The following LHFPL3 variants were observed in gnomAD, a reference collection of about 807,000 sequenced individuals.
The protein encoded by LHFPL3 is LHFPL tetraspan subfamily member 3.
A neutral mutation model predicts 19.3 loss-of-function variants in LHFPL3; 5 were observed. The ratio of observed to expected loss-of-function variants is 0.26; its 90% CI spans 0.14 to 0.54. LHFPL3 has a LOEUF of 0.54. Ranked by LOEUF, LHFPL3 falls within the 20% of genes least tolerant of loss-of-function variation. The pLI is 0.94. For missense variants in LHFPL3, 249 were observed against 307.4 expected (o/e 0.81, Z 1.42); for synonymous variants, 133 against 126.2 (o/e 1.05, Z -0.36).
chr7:104,864,247 G>T (rs2005887), intron 2 of LHFPL3, among the ~76,000 whole-genome samples: 132,558 of 152,060 alleles, frequency 0.87, 59,246 homozygotes, highest in Non-Finnish European at 0.98. Flanking sequence ...ATCTCACTGG[G>T]GAGTGTTGGA....
At chr7:104,387,794 A>G (rs1313219892) in intron 1 of LHFPL3, among the ~76,000 whole-genome samples, 1 of 152,016 alleles carries the variant, frequency 6.6e-6, no homozygotes, top group Non-Finnish European at 1.5e-5. Flanking sequence ...ACAAAGAGAA[A>G]TTTTTTTTAA....
In LHFPL3 at chr7:104,393,051, A is replaced by G. The variant is rs1450161112; in HGVS notation, c.445+63827A>G. Among the ~76,000 whole-genome samples the G allele has an allele frequency of 2.0e-5, 3 of 152,366 alleles. No individual in the cohort carries two copies. In the East Asian group the frequency reaches 5.8e-4, roughly 29 times the overall value. On this transcript the variant is annotated intron_variant, in intron 1 of 2. Coordinates refer to ENST00000424859, the MANE Select transcript of LHFPL3 (RefSeq NM_199000.3). Reference sequence around the variant, plus strand: ...TTCAAGAAAGATATACAAATGGCCAATAAGCATATGGCAAGATGGTCAGCA... The same window carrying G: ...TTCAAGAAAGATATACAAATGGCCAGTAAGCATATGGCAAGATGGTCAGCA...
chr7:104,497,142 C>T (rs925495729), intron 1 of LHFPL3, among the ~76,000 whole-genome samples: 1 of 151,506 alleles, frequency 6.6e-6, no homozygotes, highest in East Asian at 1.9e-4. Flanking sequence ...TATTATCATA[C>T]TATCGTTCTC....
intron 1 of LHFPL3, chr7:104,668,704 G>GA (rs1488297763): frequency 1.2e-6 from 2 of 1,604,742 alleles, no homozygotes; most frequent in Non-Finnish European, 1.7e-6. Context: ...GATTATAGGC[G>GA]TGATGATAGA....
chr7:104,543,903 T>TATAATAATA (rs199906129), intron 1 of LHFPL3, among the ~76,000 whole-genome samples: 3,090 of 145,356 alleles, frequency 0.021, 98 homozygotes, highest in African/African-American at 0.074. Flanking sequence ...TACCCCAAAA[T>TATAATAATA]ATAATAATAA....
chr7:104,808,890 CTTT>C (rs151212974), intron 2 of LHFPL3, among the ~76,000 whole-genome samples: 1,122 of 77,208 alleles, frequency 0.015, 23 homozygotes, highest in African/African-American at 0.053. Flanking sequence ...ATGATAGATC[CTTT>C]TTTTTTTTTT....
intron 2 of LHFPL3, among the ~76,000 whole-genome samples, chr7:104,834,207 C>CACAG (rs1172821544): frequency 6.6e-6 from 1 of 151,616 alleles, no homozygotes; most frequent in East Asian, 2.0e-4. Context: ...GCAATACCCT[C>CACAG]ACAGACACAC....
chr7:104,490,510 G>A lies in LHFPL3; in HGVS notation c.445+161286G>A, dbSNP rs570563585. ...CTTCTTGACCTGTAGCAAAATATCC[G>A]AAAATCAACCCCTGAGTACCCAGAT... On this transcript the variant is annotated intron_variant, in intron 1 of 2. Transcript: ENST00000424859. Among the ~76,000 whole-genome samples, 7 of 151,556 alleles carry A rather than the reference G, an allele frequency of 4.6e-5. No individual in the cohort carries two copies. In the Middle Eastern group the frequency reaches 0.01, roughly 221 times the overall value.
At chr7:104,884,936 G>C (rs1166950878) in intron 2 of LHFPL3, among the ~76,000 whole-genome samples, 1 of 152,138 alleles carries the variant, frequency 6.6e-6, no homozygotes, top group Non-Finnish European at 1.5e-5. Context: ...TGCAAGAGGA[G>C]GAATGGGCAA....
At chr7:104,638,644 T>G (rs1317517488) in intron 1 of LHFPL3, among the ~76,000 whole-genome samples, 1 of 152,202 alleles carries the variant, frequency 6.6e-6, no homozygotes, top group Non-Finnish European at 1.5e-5. Flanking sequence ...TCCATTGAGA[T>G]AATTATGTGA....
At chr7:104,620,906 A>G (rs951500185) in intron 1 of LHFPL3, among the ~76,000 whole-genome samples, 12 of 152,232 alleles carry the variant, frequency 7.9e-5, no homozygotes, top group African/African-American at 2.4e-4. Context: ...CTGGAGAACC[A>G]GTTTTGTTTC....
intron 2 of LHFPL3, among the ~76,000 whole-genome samples, chr7:104,749,524 G>A (rs1199110813): frequency 2.6e-5 from 4 of 152,258 alleles, no homozygotes; most frequent in African/African-American, 9.6e-5. Context: ...CCAGAGGGAT[G>A]GTAAAAAAGC....
intron 1 of LHFPL3, among the ~76,000 whole-genome samples, chr7:104,343,796 C>G (rs917175342): frequency 1.3e-5 from 2 of 151,996 alleles, no homozygotes; most frequent in Admixed American, 6.6e-5. Context: ...CTGCTACCCA[C>G]TCCCCTGATT....
At chr7:104,438,301 T>C (rs1338061860) in intron 1 of LHFPL3, among the ~76,000 whole-genome samples, 1 of 152,212 alleles carries the variant, frequency 6.6e-6, no homozygotes, top group African/African-American at 2.4e-5. Context: ...TGGTGTTTTC[T>C]CTGTAATCTT....
At chr7:104,557,154 G>C (rs1271933770) in intron 1 of LHFPL3, among the ~76,000 whole-genome samples, 1 of 152,054 alleles carries the variant, frequency 6.6e-6, no homozygotes, top group Admixed American at 6.5e-5. Context: ...TCTCTGCCTT[G>C]TTCCCAGTTC....
rs183210229 is a variant in LHFPL3, at chr7:104,360,015, A to G, written c.445+30791A>G. 2.6e-5 allele frequency among the ~76,000 whole-genome samples: 4 copies of G among 152,378 alleles called. No homozygotes were observed. In the East Asian group the frequency reaches 5.8e-4, roughly 22 times the overall value. Reference sequence around the variant, plus strand: ...CAAAGTCACACAAATAGTAAGTGAGATAGTTGCTTCAATTGCAGGACAGTC... The same window carrying G: ...CAAAGTCACACAAATAGTAAGTGAGGTAGTTGCTTCAATTGCAGGACAGTC... On this transcript the variant is annotated intron_variant, in intron 1 of 2. Coordinates refer to ENST00000424859, the MANE Select transcript of LHFPL3 (RefSeq NM_199000.3).
At chr7:104,845,847 T>TG (rs1416329596) in intron 2 of LHFPL3, among the ~76,000 whole-genome samples, 6 of 152,228 alleles carry the variant, frequency 3.9e-5, no homozygotes, top group African/African-American at 1.4e-4. Flanking sequence ...CAGTGTTCTC[T>TG]GGGGCCACCA....
chr7:104,820,866 C>T (rs372964253), intron 2 of LHFPL3, among the ~76,000 whole-genome samples: 6 of 152,152 alleles, frequency 3.9e-5, no homozygotes, highest in East Asian at 3.9e-4. Context: ...AACGCCAACA[C>T]AGTTAACGCC....
At chr7:104,616,601 C>A (rs1249451126) in intron 1 of LHFPL3, among the ~76,000 whole-genome samples, 1 of 152,076 alleles carries the variant, frequency 6.6e-6, no homozygotes, top group Non-Finnish European at 1.5e-5. Context: ...ACTAAAACAC[C>A]AAAAGCAATG....
Sources: allele counts gnomAD v4.1 joint callset (sites outside exome capture counted in the v4.1 genomes callset), GRCh38; gene constraint gnomAD v4.1.1; transcripts MANE v1.5; gene names NCBI Gene and HGNC (gene_info 2026-07-23, HGNC 2026-07-21).